TBL1XR1: variants seen among roughly 807,000 people sequenced by gnomAD.
TBL1XR1 encodes F-box-like/WD repeat-containing protein TBL1XR1.
A neutral mutation model predicts 66.9 loss-of-function variants in TBL1XR1; 5 were observed. That is an observed-to-expected ratio of 0.07 (90% CI 0.04 to 0.16). TBL1XR1 has a LOEUF of 0.16. Among genes scored for constraint, TBL1XR1 ranks in the 10% least tolerant of loss-of-function variants. The probability of loss-of-function intolerance (pLI) is 1.00; values close to 1 mark genes in which losing one functional copy is unlikely to be tolerated. For missense variants in TBL1XR1, 238 were observed against 623.2 expected, an observed-to-expected ratio of 0.38 and a Z score of 6.58; for synonymous variants, 210 against 206.0, an observed-to-expected ratio of 1.02 and a Z score of -0.17.
In TBL1XR1 at chr3:177,033,144, A is replaced by T. The variant is rs148654942; in HGVS notation, c.1251-8T>A. The T allele has an allele frequency of 1.3e-4, 198 of 1,511,412 alleles. 2 individuals are homozygous for T. The African/African-American group carries it at 2.2e-3, about 17-fold the overall frequency. 93.6% of individuals were successfully genotyped at this position (1,511,412 alleles called of 1,614,324 possible). ...GTAGAATCAAAGGATGCACTGAAAA[A>T]GGAAGGAAAGAAAGTTAATTTATAA... On this transcript the variant is annotated splice_region_variant and splice_polypyrimidine_tract_variant and intron_variant, in intron 13 of 15. Transcript: ENST00000457928.
chr3:177,076,897 A>G (rs1720767936), intron 2 of TBL1XR1, among the ~76,000 whole-genome samples: 1 of 152,208 alleles, frequency 6.6e-6, no homozygotes, highest in Middle Eastern at 3.2e-3. Flanking sequence ...TATGTGACCT[A>G]ATTTGGCCAG....
chr3:177,094,157 A>C (rs1429999315), intron 2 of TBL1XR1, among the ~76,000 whole-genome samples: 10 of 152,244 alleles, frequency 6.6e-5, no homozygotes, highest in Non-Finnish European at 1.5e-4. Flanking sequence ...CCTATAAAAA[A>C]GTGGGCTAAG....
At chr3:177,100,689 T>C (rs1724090853) in intron 1 of TBL1XR1, among the ~76,000 whole-genome samples, 1 of 152,256 alleles carries the variant, frequency 6.6e-6, no homozygotes, top group South Asian at 2.1e-4. Context: ...ACTCCCAAAG[T>C]GCTGGGATTA....
At chr3:177,169,923 GA>G (rs1733261285) in intron 1 of TBL1XR1, among the ~76,000 whole-genome samples, 1 of 152,114 alleles carries the variant, frequency 6.6e-6, no homozygotes, top group Non-Finnish European at 1.5e-5. Flanking sequence ...CATCACCTGG[GA>G]AACTGCTGAA....
At chr3:177,200,502 C>T (rs1051466276), upstream of TBL1XR1, among the ~76,000 whole-genome samples, 4 of 152,174 alleles carry the variant, frequency 2.6e-5, no homozygotes, top group Non-Finnish European at 5.9e-5. Context: ...GCTGTCCCAA[C>T]ATATCCAGCA....
At chr3:177,047,750 G>C (rs1049941715) in intron 7 of TBL1XR1, 1 of 555,832 alleles carries the variant, frequency 1.8e-6, no homozygotes, top group Non-Finnish European at 3.2e-6. Context: ...TTGTATGGGG[G>C]CCTTATATCC....
chr3:177,064,734 C>T (rs1465820975), intron 3 of TBL1XR1, among the ~76,000 whole-genome samples, 186 bp downstream of exon 3: 1 of 150,760 alleles, frequency 6.6e-6, no homozygotes. Context: ...GCCTTGTTTG[C>T]AACATATTTG....
At chr3:177,140,031 G>T (rs1033492421) in intron 1 of TBL1XR1, among the ~76,000 whole-genome samples, 1 of 152,152 alleles carries the variant, frequency 6.6e-6, no homozygotes, top group Non-Finnish European at 1.5e-5. Context: ...AGCCAGGTGC[G>T]GTGGCTCACG....
At position 177,023,890 on chromosome 3, in the gene TBL1XR1, A is replaced by G. The variant is rs1712720165; in HGVS notation, c.*1608T>C. On this transcript the variant is annotated 3_prime_UTR_variant, in exon 16 of 16. Coordinates refer to ENST00000457928, the MANE Select transcript of TBL1XR1 (RefSeq NM_024665.7). ...CCTTAATTAAAATCTTCGAGATATA[A>G]ATTTGATGACTATTCTCTTCAGAAA... is the stretch of plus-strand genomic sequence containing the variant. 6.6e-6 allele frequency: 1 copy of G among 152,068 alleles called. No individual in the cohort carries two copies. The highest frequency in any genetic ancestry group is 1.9e-4 in the East Asian group (1 of 5,196). 9.4% of individuals were successfully genotyped at this position (152,068 alleles called of 1,614,324 possible). A position where few individuals can be genotyped will look rare whatever the true frequency, so the allele number is the denominator to read the frequency against.
rs764319248 is a variant in TBL1XR1, at chr3:177,051,628, A to G, written c.303T>C (p.Asp101=). Reference sequence around the variant, plus strand: ...CTGCTGCCTGTTGCTGTGCAAGCTTATCTCTATAAGCTTGTTGTCTTGTTT... The same window carrying G: ...CTGCTGCCTGTTGCTGTGCAAGCTTGTCTCTATAAGCTTGTTGTCTTGTTT... The part of the protein sequence containing the change: ...VVQTRQQAYR[D]KLAQQQAAAA... The change falls in exon 5 of 16, where the codon GAT becomes GAC. Residue 101 remains aspartate, a synonymous_variant. Coordinates refer to ENST00000457928, the MANE Select transcript of TBL1XR1 (RefSeq NM_024665.7). The G allele has an allele frequency of 3.1e-6, 5 of 1,613,484 alleles. No homozygotes were observed. Among genetic ancestry groups the G allele is most frequent in the Non-Finnish European group, 4.2e-6 (5 of 1,179,700 alleles).
rs757648589 is a variant in TBL1XR1 at position 177,025,490 on chromosome 3, T to A, written c.*8A>T. 5.0e-6 allele frequency: 8 copies of A among 1,612,368 alleles called. No homozygotes were observed. The highest frequency in any genetic ancestry group is 6.8e-6 in the Non-Finnish European group (8 of 1,179,526). On this transcript the variant is annotated 3_prime_UTR_variant, in exon 16 of 16. Coordinates refer to ENST00000457928, the MANE Select transcript of TBL1XR1 (RefSeq NM_024665.7). The stretch of plus-strand genomic sequence containing the variant: ...TCATAGTCGGTCCATGGCTTCCAAC[T>A]AGTAGCGCTATTTCCGAAGGTCTAA...
chr3:177,149,668 C>T (rs1441264473), intron 1 of TBL1XR1, among the ~76,000 whole-genome samples: 1 of 152,078 alleles, frequency 6.6e-6, no homozygotes, highest in Non-Finnish European at 1.5e-5. Flanking sequence ...TACCTGCTTT[C>T]GTATGGCCCA....
At chr3:177,150,961 TTC>T (rs566958321) in intron 1 of TBL1XR1, among the ~76,000 whole-genome samples, 54 of 152,358 alleles carry the variant, frequency 3.5e-4, no homozygotes, top group African/African-American at 1.3e-3. Flanking sequence ...ACTTAAAACA[TTC>T]TTTCTTACAA....
intron 1 of TBL1XR1, among the ~76,000 whole-genome samples, chr3:177,188,600 A>G (rs1735730631): frequency 6.6e-6 from 1 of 152,162 alleles, no homozygotes; most frequent in African/African-American, 2.4e-5. Flanking sequence ...TGACCCTTGC[A>G]GCCCAGAGTT....
intron 1 of TBL1XR1, among the ~76,000 whole-genome samples, chr3:177,121,739 G>C (rs558683560): frequency 2.1e-3 from 316 of 152,196 alleles, no homozygotes; most frequent in Non-Finnish European, 2.9e-3. Context: ...CAATCCCATC[G>C]AGGCTGTTCC....
chr3:177,036,341 G>A (rs959666039), intron 12 of TBL1XR1, among the ~76,000 whole-genome samples: 21 of 152,240 alleles, frequency 1.4e-4, no homozygotes, highest in African/African-American at 4.6e-4. Flanking sequence ...TCCTCCATTC[G>A]CATGACTCAG....
intron 1 of TBL1XR1, among the ~76,000 whole-genome samples, chr3:177,195,314 G>A (rs750408709): frequency 3.3e-5 from 5 of 151,788 alleles, no homozygotes; most frequent in Non-Finnish European, 5.9e-5. Flanking sequence ...TCCCCCACAG[G>A]TAAATGCTAA....
Position 177,025,498 on chromosome 3 carries a change from C to T in TBL1XR1, c.1545G>A (p.Ter515=), listed in dbSNP as rs371553222. 128 of 1,612,446 alleles carry T rather than the reference C, an allele frequency of 7.9e-5. No individual in the cohort carries two copies. The highest frequency in any genetic ancestry group is 1.0e-4 in the Non-Finnish European group (122 of 1,179,538). Residue 515 remains the stop codon, a stop_retained_variant, in exon 16 of 16, where the codon TAG becomes TAA. Coordinates refer to ENST00000457928, the MANE Select transcript of TBL1XR1 (RefSeq NM_024665.7). The part of the protein sequence containing the change: ...GSVCVLDLRK[*] ...GGTCCATGGCTTCCAACTAGTAGCG[C>T]TATTTCCGAAGGTCTAATACACAAA...
intron 1 of TBL1XR1, among the ~76,000 whole-genome samples, chr3:177,161,645 A>G (rs1732224330): frequency 6.6e-6 from 1 of 152,062 alleles, no homozygotes; most frequent in African/African-American, 2.4e-5. Flanking sequence ...TTAGCCAGGC[A>G]TGATGGTGGA....
Sources: gnomAD v4.1 joint callset for allele counts (sites outside exome capture counted in the v4.1 genomes callset) on GRCh38, gnomAD v4.1.1 for gene constraint, MANE v1.5 for transcripts, NCBI Gene and HGNC (gene_info 2026-07-23, HGNC 2026-07-21) for gene names.